JPH3: variants seen among roughly 807,000 people sequenced by gnomAD.
JPH3 encodes junctophilin-3.
A neutral mutation model predicts 59.6 loss-of-function variants in JPH3; 11 were observed. The ratio of observed to expected loss-of-function variants is 0.18; its 90% CI spans 0.12 to 0.31. The LOEUF (loss-of-function observed/expected upper bound fraction) is 0.31, where lower values mean the gene tolerates loss of function less well. JPH3 is among the 10% of genes least tolerant of loss of function. The probability of loss-of-function intolerance (pLI) is 1.00; values close to 1 mark genes in which losing one functional copy is unlikely to be tolerated. For synonymous variants in JPH3, 673 were observed against 483.6 expected (o/e 1.39, Z -5.14); for missense variants, 1,202 against 1,105.7 (o/e 1.09, Z -1.24).
rs1331292596 is a variant in JPH3 at position 87,689,931 on chromosome 16, G to C, written c.1571G>C (p.Gly524Ala). Reference sequence around the variant, plus strand: ...CAGATGCTCCTGGAGGGCCGGGCCGGGGACTGCGCCCGCAGCAGCTGGGGC... The same window carrying C: ...CAGATGCTCCTGGAGGGCCGGGCCGCGGACTGCGCCCGCAGCAGCTGGGGC... The part of the protein sequence containing the change: ...DIQMLLEGRA[G>A]DCARSSWGEE... Residue 524 changes from glycine to alanine, a missense_variant, in exon 4 of 5, where the codon GGG becomes GCG. Transcript: ENST00000284262. The C allele has an allele frequency of 6.9e-6, 10 of 1,450,288 alleles. No individual in the cohort carries two copies. In the East Asian group the frequency reaches 2.3e-4, roughly 33 times the overall value. The allele number at this position is 1,450,288 out of a possible 1,614,324, so 89.8% of individuals were successfully genotyped here.
intron 2 of JPH3, among the ~76,000 whole-genome samples, chr16:87,682,008 A>G (rs2033308178): frequency 6.6e-6 from 1 of 152,010 alleles, no homozygotes; most frequent in Non-Finnish European, 1.5e-5. Flanking sequence ...CATGCAGAAA[A>G]CTTTGAGTAC....
chr16:87,656,968 A>G (rs1400310765), intron 2 of JPH3, among the ~76,000 whole-genome samples: 1 of 151,966 alleles, frequency 6.6e-6, no homozygotes. Context: ...CTCTTCTTAT[A>G]AGGTCACCAG....
intron 3 of JPH3, among the ~76,000 whole-genome samples, chr16:87,688,608 C>T (rs938397028): frequency 8.5e-5 from 13 of 152,172 alleles, no homozygotes; most frequent in African/African-American, 1.2e-4. Flanking sequence ...ATGAGGTGGC[C>T]GCCCCGGGTA....
At chr16:87,662,596 T>C (rs1439336362) in intron 2 of JPH3, among the ~76,000 whole-genome samples, 1 of 152,204 alleles carries the variant, frequency 6.6e-6, no homozygotes, top group African/African-American at 2.4e-5. Flanking sequence ...TCTGCCCTCC[T>C]TTCCTGGCCC....
intron 1 of JPH3, chr16:87,603,971 C>T (rs1430909563): frequency 5.0e-5 from 29 of 580,362 alleles, no homozygotes; most frequent in Non-Finnish European, 6.3e-5. Context: ...GTTCCTGCGG[C>T]GCCCGAGGGC....
chr16:87,655,207 C>A (rs1218561135), intron 2 of JPH3, among the ~76,000 whole-genome samples: 1 of 152,256 alleles, frequency 6.6e-6, no homozygotes, highest in Non-Finnish European at 1.5e-5. Context: ...CCCGCCACCC[C>A]CGCCAGGGCC....
chr16:87,682,602 C>A (rs2033322356), intron 2 of JPH3, among the ~76,000 whole-genome samples: 2 of 152,206 alleles, frequency 1.3e-5, no homozygotes, highest in Non-Finnish European at 2.9e-5. Context: ...ACCAAATCTG[C>A]TGGCACCTTG....
rs2032087811 is a variant in JPH3 at position 87,644,836 on chromosome 16, C to G, written c.961C>G (p.His321Asp). The change falls in exon 2 of 5, where the codon CAT becomes GAT. Residue 321 changes from histidine (H) to aspartate (D), a missense_variant. Coordinates refer to ENST00000284262, the MANE Select transcript of JPH3 (RefSeq NM_020655.4). ...YEGEWASNRRHGYGCMTFPDG... is the reference protein window; with the variant it reads ...YEGEWASNRRDGYGCMTFPDG... The stretch of plus-strand genomic sequence containing the variant: ...GGGCGAGTGGGCCAGCAACCGGCGC[C>G]ATGGCTACGGCTGCATGACCTTCCC... 1 of 1,613,358 alleles carries G rather than the reference C, an allele frequency of 6.2e-7. No individual in the cohort carries two copies. The highest frequency in any genetic ancestry group is 8.5e-7 in the Non-Finnish European group (1 of 1,179,926).
intron 1 of JPH3, among the ~76,000 whole-genome samples, chr16:87,608,285 C>T (rs974848877): frequency 6.6e-6 from 1 of 152,242 alleles, no homozygotes; most frequent in African/African-American, 2.4e-5. Context: ...TTTCCCCAAG[C>T]CTCCACAACT....
At chr16:87,651,617 G>C in intron 2 of JPH3, among the ~76,000 whole-genome samples, 1 of 152,238 alleles carries the variant, frequency 6.6e-6, no homozygotes, top group East Asian at 1.9e-4. Context: ...AGATGTGGTG[G>C]AAATAGCAAG....
chr16:87,672,083 G>A (rs1010340954), intron 2 of JPH3, among the ~76,000 whole-genome samples: 5 of 152,052 alleles, frequency 3.3e-5, no homozygotes, highest in Admixed American at 6.5e-5. Context: ...TAGGCTCCTC[G>A]CCGGGCGGGG....
intron 1 of JPH3, chr16:87,604,620 C>T: frequency 8.3e-7 from 1 of 1,202,196 alleles, no homozygotes; most frequent in Non-Finnish European, 1.1e-6. Context: ...AATAAAAATC[C>T]TGAGCGTACG....
At chr16:87,614,891 C>T (rs8059859) in intron 1 of JPH3, among the ~76,000 whole-genome samples, 2 of 116,982 alleles carry the variant, frequency 1.7e-5, no homozygotes, top group African/African-American at 3.4e-5. Context: ...CGCGCGTCCC[C>T]TCCCGGGATA....
At chr16:87,640,692 C>T (rs2150842396) in intron 1 of JPH3, among the ~76,000 whole-genome samples, 1 of 152,300 alleles carries the variant, frequency 6.6e-6, no homozygotes, top group South Asian at 2.1e-4. Context: ...CCCACCCAGC[C>T]AACAAACGCT....
intron 1 of JPH3, among the ~76,000 whole-genome samples, chr16:87,606,673 A>C (rs2030533270): frequency 6.6e-6 from 1 of 152,188 alleles, no homozygotes; most frequent in South Asian, 2.1e-4. Context: ...TTAATTGAGA[A>C]TGGTGTGCGT....
At chr16:87,667,001 C>T (rs1300381287) in intron 2 of JPH3, among the ~76,000 whole-genome samples, 1 of 152,206 alleles carries the variant, frequency 6.6e-6, no homozygotes, top group Non-Finnish European at 1.5e-5. Context: ...GAGGCTTAAA[C>T]ACAGAAACGC....
At chr16:87,629,435 T>A (rs1597245870) in intron 1 of JPH3, among the ~76,000 whole-genome samples, 1 of 150,780 alleles carries the variant, frequency 6.6e-6, no homozygotes, top group Non-Finnish European at 1.5e-5. Flanking sequence ...TTTTTTTTTT[T>A]AATTTGGATG....
At chr16:87,619,223 G>T (rs1023489913) in intron 1 of JPH3, among the ~76,000 whole-genome samples, 1 of 151,344 alleles carries the variant, frequency 6.6e-6, no homozygotes, top group African/African-American at 2.4e-5. Flanking sequence ...TGAAGCAGGA[G>T]TATCACTTGA....
intron 2 of JPH3, among the ~76,000 whole-genome samples, chr16:87,673,317 T>TA (rs11447723): frequency 0.5 from 73,288 of 147,714 alleles, 18,297 homozygotes; most frequent in African/African-American, 0.62. Context: ...GGGAGAGATT[T>TA]AAAAAAAAAA....
Sources: gnomAD v4.1 joint callset for allele counts (sites outside exome capture counted in the v4.1 genomes callset) on GRCh38, gnomAD v4.1.1 for gene constraint, MANE v1.5 for transcripts, NCBI Gene and HGNC (gene_info 2026-07-23, HGNC 2026-07-21) for gene names.